The following AGAP3 variants were observed in gnomAD, a reference collection of about 807,000 sequenced individuals.
AGAP3 encodes the protein ArfGAP with GTPase domain, ankyrin repeat and PH domain 3.
In AGAP3, 24 loss-of-function variants were observed where a neutral mutation model predicts 96.9. That is an observed-to-expected ratio of 0.25 (90% CI 0.18 to 0.35). The LOEUF (loss-of-function observed/expected upper bound fraction) is 0.35. AGAP3 is among the 10% of genes least tolerant of loss of function. AGAP3 has a pLI of 1.00. For missense variants in AGAP3, 876 were observed against 1,254.2 expected (o/e 0.70, Z 4.55); for synonymous variants, 563 against 536.1 (o/e 1.05, Z -0.69).
chr7:151,087,141 A>G, intron 1 of AGAP3, 69 bp downstream of exon 1: 3 of 1,485,980 alleles, frequency 2.0e-6, no homozygotes, highest in Non-Finnish European at 2.7e-6. Context: ...AGGGCTCCAC[A>G]GGCCGTGCCT....
At chr7:151,086,295 G>C (rs1798137666), upstream of AGAP3, among the ~76,000 whole-genome samples, 1 of 150,094 alleles carries the variant, frequency 6.7e-6, no homozygotes, top group Non-Finnish European at 1.5e-5. Flanking sequence ...CGCGCGGCTC[G>C]GGGGTGGAGG....
intron 1 of AGAP3, among the ~76,000 whole-genome samples, chr7:151,107,001 C>T (rs1028194646): frequency 6.6e-6 from 1 of 151,278 alleles, no homozygotes; most frequent in Non-Finnish European, 1.5e-5. Context: ...CACTTTATTG[C>T]ATCTTCTGTT....
chr7:151,087,171 GGGGTCCTTGCGCGCTT>G (rs779150130), intron 1 of AGAP3, 99 bp downstream of exon 1: 19 of 1,335,906 alleles, frequency 1.4e-5, no homozygotes, highest in Admixed American at 4.1e-5. Context: ...CTCCCTGTCG[GGGGTCCTTGCGCGCTT>G]GAGGACCAGG....
chr7:151,114,899 GC>G lies in AGAP3; in HGVS notation c.332-1893del. 1.0e-6 allele frequency: 1 copy of G among 998,436 alleles called. No individual in the cohort carries two copies. The highest frequency in any genetic ancestry group is 4.4e-5 in the South Asian group (1 of 22,678). 61.8% of individuals were successfully genotyped at this position (998,436 alleles called of 1,614,324 possible). On this transcript the variant is annotated intron_variant, in intron 1 of 17. Coordinates refer to ENST00000397238, the MANE Select transcript of AGAP3 (RefSeq NM_031946.7). This position sits in a 1 kb window ranked among gnomAD's most constrained non-coding sequence, Gnocchi z 4.4. ...CGGCCGGCCGCGCTGCCGCCGCCCT[GC>G]AGGCCGCCCTCTGCGCCGCCAGTGA...
chr7:151,119,803 G>A (rs1459135738), intron 7 of AGAP3, among the ~76,000 whole-genome samples, 184 bp from the exon 8 acceptor site: 1 of 152,220 alleles, frequency 6.6e-6, no homozygotes, highest in Non-Finnish European at 1.5e-5. Context: ...CAAGGTGACA[G>A]TAGATCCTGC....
In AGAP3 at chr7:151,140,989, G is replaced by A. The variant is rs1199948909; in HGVS notation, c.1804+873G>A. ...GGCCCAGCAGAGGAGGAATTCCAGGGGATGTCGGTGTCACTGAGGTGAGGC... is the reference window on the plus strand; with the variant it reads ...GGCCCAGCAGAGGAGGAATTCCAGGAGATGTCGGTGTCACTGAGGTGAGGC... On this transcript the variant is annotated intron_variant, in intron 13 of 17. Transcript: ENST00000397238. This position sits in a 1 kb window ranked among gnomAD's most constrained non-coding sequence, Gnocchi z 5.4. 6.6e-6 allele frequency: 1 copy of A among 152,214 alleles called. No homozygotes were observed. The highest frequency in any genetic ancestry group is 1.5e-5 in the Non-Finnish European group (1 of 68,120). 9.4% of individuals were successfully genotyped at this position (152,214 alleles called of 1,614,324 possible).
rs985021473 is a variant in AGAP3 at position 151,114,795 on chromosome 7, G to A, written c.332-1998G>A. On this transcript the variant is annotated intron_variant, in intron 1 of 17. Coordinates refer to ENST00000397238, the MANE Select transcript of AGAP3 (RefSeq NM_031946.7). The surrounding 1 kb of genome is among the most constrained non-coding windows in gnomAD (Gnocchi z 4.4). ...CATGGAGCGGGGCTGGCCGCAGGGG[G>A]ACAGCTGTCCCGGGGAGCGGCCCGC... The A allele has an allele frequency of 9.6e-7, 1 of 1,042,348 alleles. No homozygotes were observed. 64.6% of individuals were successfully genotyped at this position (1,042,348 alleles called of 1,614,324 possible).
intron 1 of AGAP3, among the ~76,000 whole-genome samples, chr7:151,100,276 C>T (rs181842630): frequency 1.3e-5 from 2 of 152,312 alleles, no homozygotes; most frequent in East Asian, 1.9e-4. Flanking sequence ...CATCACATCC[C>T]GGGCTGGTTG....
At position 151,096,236 on chromosome 7, in the gene AGAP3, C is replaced by T. The variant is rs1798599629; in HGVS notation, c.331+9164C>T. Among the ~76,000 whole-genome samples, 1 of 152,182 alleles carries T rather than the reference C, an allele frequency of 6.6e-6. No homozygotes were observed. Among genetic ancestry groups the T allele is most frequent in the African/African-American group, 2.4e-5 (1 of 41,432 alleles). ...GCGTGAGGTGAGGGCTGCATGAGAT[C>T]ACAGGAATGACCATTTCCGGACCCG... On this transcript the variant is annotated intron_variant, in intron 1 of 17. Coordinates refer to ENST00000397238, the MANE Select transcript of AGAP3 (RefSeq NM_031946.7). The surrounding 1 kb of genome is among the most constrained non-coding windows in gnomAD (Gnocchi z 4.4).
intron 1 of AGAP3, among the ~76,000 whole-genome samples, chr7:151,099,516 C>G (rs1196742537): frequency 6.6e-6 from 1 of 152,186 alleles, no homozygotes; most frequent in African/African-American, 2.4e-5. Context: ...CCTAGAAGTA[C>G]AACTGTTGTT....
chr7:151,117,100 A>T lies in AGAP3; in HGVS notation c.396A>T (p.Ile132=). 1 of 1,613,818 alleles carries T rather than the reference A, an allele frequency of 6.2e-7. No individual in the cohort carries two copies. The highest frequency in any genetic ancestry group is 1.1e-5 in the South Asian group (1 of 91,058). ...SRSVPELKVG[I]VGNLSSGKSA... is the part of the protein sequence containing the mutation. Reference sequence around the variant, plus strand: ...CACCCCTTCCTCTCCCGCAGGGCATAGTGGGGAACCTGTCTAGCGGGAAGT... The same window carrying T: ...CACCCCTTCCTCTCCCGCAGGGCATTGTGGGGAACCTGTCTAGCGGGAAGT... The change falls in exon 3 of 18, where the codon ATA becomes ATT. Residue 132 remains isoleucine, a synonymous_variant. Coordinates refer to ENST00000397238, the MANE Select transcript of AGAP3 (RefSeq NM_031946.7).
rs2150415921 is a variant in AGAP3, at chr7:151,098,033, G to A, written c.331+10961G>A. ...GCCATACCAGGCCAGTGGCTATGGT[G>A]TTGAAGAATAGCTCTGATTTATAGC... On this transcript the variant is annotated intron_variant, in intron 1 of 17. Transcript: ENST00000397238. 2.0e-5 allele frequency among the ~76,000 whole-genome samples: 3 copies of A among 152,290 alleles called. No homozygotes were observed. In the Middle Eastern group the frequency reaches 0.01, roughly 518 times the overall value.
In AGAP3 at chr7:151,096,583, C is replaced by A. The variant is rs1798612945; in HGVS notation, c.331+9511C>A. Among the ~76,000 whole-genome samples, 1 of 151,038 alleles carries A rather than the reference C, an allele frequency of 6.6e-6. No individual in the cohort carries two copies. The highest frequency in any genetic ancestry group is 2.4e-5 in the African/African-American group (1 of 41,004). ...TGCCTCCCAGGTTCACGCCATTCTC[C>A]TGCCACAGCCTCCCGAGTAGCTGGG... On this transcript the variant is annotated intron_variant, in intron 1 of 17. Coordinates refer to ENST00000397238, the MANE Select transcript of AGAP3 (RefSeq NM_031946.7). This position sits in a 1 kb window ranked among gnomAD's most constrained non-coding sequence, Gnocchi z 4.4.
rs536954088 is a variant in AGAP3 at position 151,114,239 on chromosome 7, G to A, written c.332-2554G>A. 6.6e-6 allele frequency among the ~76,000 whole-genome samples: 1 copy of A among 152,376 alleles called. No homozygotes were observed. The highest frequency in any genetic ancestry group is 2.4e-5 in the African/African-American group (1 of 41,594). On this transcript the variant is annotated intron_variant, in intron 1 of 17. Transcript: ENST00000397238. The surrounding 1 kb of genome is among the most constrained non-coding windows in gnomAD (Gnocchi z 4.4). ...TCGTTGAAGCTCGCGTGCTGCAGAC[G>A]AGGACACGCGCGCAGACCCGGCATG...
At chr7:151,092,658 G>T (rs1307845174) in intron 1 of AGAP3, among the ~76,000 whole-genome samples, 3 of 152,216 alleles carry the variant, frequency 2.0e-5, no homozygotes, top group Non-Finnish European at 4.4e-5. Context: ...CCAGAGGAGG[G>T]TCTTTTTTGG....
chr7:151,120,780 C>T (rs1427184099), intron 8 of AGAP3: 7 of 1,183,704 alleles, frequency 5.9e-6, no homozygotes, highest in African/African-American at 4.8e-5. Flanking sequence ...CCTCACTCAC[C>T]CCTCACAAAC....
rs1323913078 is a variant in AGAP3, at chr7:151,118,004, C to A, written c.707-206C>A. 9.1e-6 allele frequency: 8 copies of A among 880,976 alleles called. No individual in the cohort carries two copies. The highest frequency in any genetic ancestry group is 1.7e-5 in the African/African-American group (1 of 58,902). The allele number at this position is 880,976 out of a possible 1,614,324, so 54.6% of individuals were successfully genotyped here. A position where few individuals can be genotyped will look rare whatever the true frequency, so the allele number is the denominator to read the frequency against. The stretch of plus-strand genomic sequence containing the variant: ...GTCTGTGTTTTTTTAGATGAATAAA[C>A]GTGCTCAGAGCTTAAGTGCTTGCTG... On this transcript the variant is annotated intron_variant, in intron 5 of 17. Transcript: ENST00000397238. This position sits in a 1 kb window ranked among gnomAD's most constrained non-coding sequence, Gnocchi z 6.1.
rs1026636618 is a variant in AGAP3, at chr7:151,087,060, A to G, written c.319A>G (p.Ile107Val). The G allele has an allele frequency of 6.2e-7, 1 of 1,604,548 alleles. No individual in the cohort carries two copies. The highest frequency in any genetic ancestry group is 1.3e-5 in the African/African-American group (1 of 74,736). The change falls in exon 1 of 18, where the codon ATC (isoleucine) becomes GTC (valine). Residue 107 changes from isoleucine (I) to valine (V), a missense_variant. Around this residue, in one of 8 missense-constraint regions of AGAP3, gnomAD observed 131 missense variants for 304.5 expected, o/e 0.43. Transcript: ENST00000397238. ...ALQNQIREHV[I>V]SIEDSFVNSQ... ...GCAGAACCAGATCCGGGAGCACGTCATCTCCATCGAGGGTGAGCGGAGCCG... is the reference window on the plus strand; with the variant it reads ...GCAGAACCAGATCCGGGAGCACGTCGTCTCCATCGAGGGTGAGCGGAGCCG...
At position 151,106,785 on chromosome 7, in the gene AGAP3, G is replaced by A. The variant is rs73476739; in HGVS notation, c.332-10008G>A. The stretch of plus-strand genomic sequence containing the variant: ...TGAGGTTATAGGAGTGAGCCACCAC[G>A]CCTGGCCTCTCAGGTGCTTTTAAAC... On this transcript the variant is annotated intron_variant, in intron 1 of 17. Transcript: ENST00000397238. Among the ~76,000 whole-genome samples, 838 of 152,066 alleles carry A rather than the reference G, an allele frequency of 5.5e-3. 7 individuals are homozygous for A. Among genetic ancestry groups the A allele is most frequent in the African/African-American group, 0.019 (785 of 41,508 alleles).
Sources: allele counts gnomAD v4.1 joint callset (sites outside exome capture counted in the v4.1 genomes callset), GRCh38; gene constraint gnomAD v4.1.1; regional missense constraint gnomAD v4.1.1; non-coding constraint Gnocchi (gnomAD v3.1); transcripts MANE v1.5; gene names NCBI Gene and HGNC (gene_info 2026-07-23, HGNC 2026-07-21).